The following LRP1B variants were observed in gnomAD, a reference collection of about 807,000 sequenced individuals.
LRP1B encodes the protein low-density lipoprotein receptor-related protein 1B.
LRP1B carries 217 observed loss-of-function variants against 556.6 expected under a neutral mutation model. The observed-to-expected ratio is 0.39, with a 90% CI of 0.35 to 0.44. LRP1B has a LOEUF of 0.44. Ranked by LOEUF, LRP1B falls within the 20% of genes least tolerant of loss-of-function variation. LRP1B has a pLI of 1.00. For synonymous variants in LRP1B, 2,047 were observed against 1,865.8 expected (o/e 1.10, Z -2.50); for missense variants, 5,053 against 5,620.8 (o/e 0.90, Z 3.23).
At chr2:140,511,336 C>G (rs548833163) in intron 51 of LRP1B, among the ~76,000 whole-genome samples, 2 of 116,834 alleles carry the variant, frequency 1.7e-5, no homozygotes, top group South Asian at 5.8e-4. Flanking sequence ...GAGTCTCGCT[C>G]TGTCGCCCAG....
chr2:140,993,220 G>A (rs1306394567), intron 16 of LRP1B, among the ~76,000 whole-genome samples: 1 of 151,924 alleles, frequency 6.6e-6, no homozygotes, highest in African/African-American at 2.4e-5. Flanking sequence ...ATGTTCTTAG[G>A]TCAGATAAAA....
chr2:141,543,518 C>CAA (rs377085694), intron 2 of LRP1B, among the ~76,000 whole-genome samples: 11,785 of 90,988 alleles, frequency 0.13, 1,006 homozygotes, highest in East Asian at 0.2. Context: ...GACCCTGTCT[C>CAA]AAAAAAAAAA....
chr2:140,868,339 C>G, intron 25 of LRP1B, 76 bp from the exon 26 acceptor site: 21 of 1,311,002 alleles, frequency 1.6e-5, no homozygotes, highest in Non-Finnish European at 2.1e-5. Context: ...TGAGTGCCTA[C>G]CATATGCTAG....
At position 140,840,958 on chromosome 2, in the gene LRP1B, T is replaced by C. The variant is rs1692085585; in HGVS notation, c.5074A>G (p.Ile1692Val). 6.2e-7 allele frequency: 1 copy of C among 1,613,470 alleles called. No individual in the cohort carries two copies. Among genetic ancestry groups the C allele is most frequent in the African/African-American group, 1.3e-5 (1 of 74,988 alleles). Residue 1692 changes from isoleucine (I) to valine (V), a missense_variant, in exon 30 of 91, where the codon ATC becomes GTC. By Grantham distance (29) the Ile-to-Val change is conservative (BLOSUM62 3). This residue lies in a region of LRP1B where 3,619 missense variants were observed against 3,931.9 expected (regional missense o/e 0.92). Transcript: ENST00000389484. Reference sequence around the variant, plus strand: ...GCTGCAAGACACTGTGGCTTATCGATTCCATGGATAATTGAGGTTTTCAAA... The same window carrying C: ...GCTGCAAGACACTGTGGCTTATCGACTCCATGGATAATTGAGGTTTTCAAA... Reference protein sequence around the residue: ...GSLKTSIIHGIDKPQCLAAHP... With the variant: ...GSLKTSIIHGVDKPQCLAAHP...
chr2:140,697,322 T>C (rs889895700), intron 41 of LRP1B, among the ~76,000 whole-genome samples: 1 of 152,096 alleles, frequency 6.6e-6, no homozygotes, highest in East Asian at 1.9e-4. Flanking sequence ...GACACGGCAC[T>C]CACAACCCTT....
intron 3 of LRP1B, among the ~76,000 whole-genome samples, chr2:141,310,495 A>G (rs1188922999): frequency 6.6e-6 from 1 of 152,210 alleles, no homozygotes; most frequent in Non-Finnish European, 1.5e-5. Context: ...TCATCATTTT[A>G]TGTGATGATT....
At chr2:141,411,112 C>T (rs1227890257) in intron 3 of LRP1B, among the ~76,000 whole-genome samples, 3 of 151,882 alleles carry the variant, frequency 2.0e-5, no homozygotes, top group African/African-American at 7.3e-5. Flanking sequence ...AATCATTGAA[C>T]CTTAGATAAG....
intron 60 of LRP1B, among the ~76,000 whole-genome samples, chr2:140,473,507 T>C (rs1237007060): frequency 6.6e-6 from 1 of 151,942 alleles, no homozygotes; most frequent in African/African-American, 2.4e-5. Flanking sequence ...CACTTAATTT[T>C]GTATTAAGGT....
At chr2:141,812,431 G>A (rs540886273) in intron 1 of LRP1B, among the ~76,000 whole-genome samples, 20 of 152,100 alleles carry the variant, frequency 1.3e-4, no homozygotes, top group African/African-American at 4.3e-4. Flanking sequence ...TTTGATCTAC[G>A]GTCTTGAAAT....
chr2:141,023,883 T>C (rs1698140381), intron 11 of LRP1B, among the ~76,000 whole-genome samples: 1 of 152,042 alleles, frequency 6.6e-6, no homozygotes, highest in African/African-American at 2.4e-5. Flanking sequence ...ATCCTTAGCA[T>C]GAACATTATT....
intron 25 of LRP1B, among the ~76,000 whole-genome samples, chr2:140,881,117 T>C (rs898972610): frequency 7.9e-5 from 12 of 152,172 alleles, no homozygotes; most frequent in African/African-American, 2.9e-4. Flanking sequence ...AGCTTCCTTA[T>C]ATATTTTATT....
At chr2:140,634,006 C>T (rs777902385) in intron 41 of LRP1B, among the ~76,000 whole-genome samples, 16 of 152,024 alleles carry the variant, frequency 1.1e-4, no homozygotes, top group African/African-American at 1.9e-4. Context: ...GAAAGGAAAA[C>T]GGCAGACCAA....
At chr2:141,748,366 A>G (rs2105560269) in intron 2 of LRP1B, among the ~76,000 whole-genome samples, 1 of 152,318 alleles carries the variant, frequency 6.6e-6, no homozygotes, top group African/African-American at 2.4e-5. Flanking sequence ...TGTATGGGAA[A>G]AATATTTTAT....
intron 83 of LRP1B, among the ~76,000 whole-genome samples, chr2:140,299,767 A>G (rs1319424043): frequency 6.6e-6 from 1 of 152,114 alleles, no homozygotes; most frequent in Non-Finnish European, 1.5e-5. Flanking sequence ...AATTACAGTC[A>G]ATGGATACCT....
intron 1 of LRP1B, among the ~76,000 whole-genome samples, chr2:142,074,051 C>A (rs1370442260): frequency 6.6e-6 from 1 of 152,032 alleles, no homozygotes; most frequent in African/African-American, 2.4e-5. Context: ...AATATACCAT[C>A]TCTTTTCTTC....
intron 1 of LRP1B, among the ~76,000 whole-genome samples, chr2:141,810,714 A>G (rs911189397): frequency 6.6e-6 from 1 of 152,134 alleles, no homozygotes; most frequent in African/African-American, 2.4e-5. Context: ...CCAGCAAGTT[A>G]GTTTTATATA....
chr2:141,442,386 G>A (rs1390423077), intron 3 of LRP1B, among the ~76,000 whole-genome samples: 2 of 144,806 alleles, frequency 1.4e-5, no homozygotes, highest in Non-Finnish European at 3.0e-5. Context: ...ATATACTACT[G>A]TTTTCTGAAA....
intron 3 of LRP1B, among the ~76,000 whole-genome samples, chr2:141,314,843 TACAC>T (rs1322135916): frequency 7.5e-6 from 1 of 132,964 alleles, no homozygotes; most frequent in Admixed American, 7.6e-5. Flanking sequence ...TATATATATA[TACAC>T]ATATATATAC....
intron 56 of LRP1B, among the ~76,000 whole-genome samples, chr2:140,495,044 A>T (rs907688066): frequency 3.3e-5 from 5 of 152,134 alleles, no homozygotes; most frequent in African/African-American, 7.2e-5. Flanking sequence ...AATTTACAGG[A>T]TCAAATACAC....
Sources: allele counts gnomAD v4.1 joint callset (sites outside exome capture counted in the v4.1 genomes callset), GRCh38; gene constraint gnomAD v4.1.1; regional missense constraint gnomAD v4.1.1; transcripts MANE v1.5; gene names NCBI Gene and HGNC (gene_info 2026-07-23, HGNC 2026-07-21).